The following CISD2 variants were observed in gnomAD, a reference collection of about 807,000 sequenced individuals.
The protein encoded by CISD2 is CDGSH iron sulfur domain 2.
CISD2 carries 1 observed loss-of-function variant against 12.9 expected under a neutral mutation model. The ratio of observed to expected loss-of-function variants is 0.08; its 90% CI spans 0.03 to 0.37. The LOEUF is 0.37. CISD2 is among the 10% of genes least tolerant of loss of function. The probability of loss-of-function intolerance (pLI) is 0.99; values close to 1 mark genes in which losing one functional copy is unlikely to be tolerated. For synonymous variants in CISD2, 50 were observed against 60.6 expected, an observed-to-expected ratio of 0.83 and a Z score of 0.81; for missense variants, 97 against 163.1, an observed-to-expected ratio of 0.59 and a Z score of 2.21.
Position 102,869,368 on chromosome 4 carries a change from T to C in CISD2, c.103+181T>C, listed in dbSNP as rs954813274. On this transcript the variant is annotated intron_variant, in intron 1 of 2. Transcript: ENST00000273986. ...CCTGGGGAACGCCTGTGAGGCAGTC[T>C]CCGGGTGCTTGATGCCCCAGGGTCT... 3.4e-5 allele frequency: 27 copies of C among 800,886 alleles called. No individual in the cohort carries two copies. The Admixed American group carries it at 5.4e-4, about 16-fold the overall frequency. 49.6% of individuals were successfully genotyped at this position (800,886 alleles called of 1,614,324 possible). A position where few individuals can be genotyped will look rare whatever the true frequency, so the allele number is the denominator to read the frequency against.
Position 102,892,480 on chromosome 4 carries a change from G to A in CISD2, c.*5050G>A, listed in dbSNP as rs1393358943. 1.3e-5 allele frequency: 2 copies of A among 152,160 alleles called. No homozygotes were observed. The highest frequency in any genetic ancestry group is 2.9e-5 in the Non-Finnish European group (2 of 68,022). The allele number at this position is 152,160 out of a possible 1,614,324, so 9.4% of individuals were successfully genotyped here. A position where few individuals can be genotyped will look rare whatever the true frequency, so the allele number is the denominator to read the frequency against. On this transcript the variant is annotated 3_prime_UTR_variant, in exon 3 of 3. Coordinates refer to ENST00000273986, the MANE Select transcript of CISD2 (RefSeq NM_001008388.5). ...ACTGTTTAATTTTATATTAGTTATG[G>A]TCTTGAAGGACATTGAAAATCTGTT...
Position 102,869,201 on chromosome 4 carries a change from A to G in CISD2, c.103+14A>G. 1 of 1,594,866 alleles carries G rather than the reference A, an allele frequency of 6.3e-7. No individual in the cohort carries two copies. Among genetic ancestry groups the G allele is most frequent in the South Asian group, 1.1e-5 (1 of 87,432 alleles). On this transcript the variant is annotated intron_variant, in intron 1 of 2. Transcript: ENST00000273986. ...CTAGGCTCACAGGTAATCCTCCCCC[A>G]TCAGCCAGTCCCCATCCTTGCACGT...
intron 1 of CISD2, among the ~76,000 whole-genome samples, chr4:102,879,965 AGAGTCTCTTCTCTG>A (rs1283440220): frequency 1.3e-5 from 2 of 151,702 alleles, no homozygotes; most frequent in East Asian, 3.9e-4. Flanking sequence ...TTTTTGAGAT[AGAGTCTCTTCTCTG>A]TCTCCCAGGC....
chr4:102,876,332 T>A lies in CISD2; in HGVS notation c.103+7145T>A, dbSNP rs565204498. ...CTGAATTAGTTGTTTACTGAAGTCC[T>A]GTTATGTGCAAATTACTAAGCACTG... On this transcript the variant is annotated intron_variant, in intron 1 of 2. Transcript: ENST00000273986. 7.9e-5 allele frequency among the ~76,000 whole-genome samples: 12 copies of A among 152,352 alleles called. 1 individual carries two copies. In the South Asian group the frequency reaches 2.5e-3, roughly 32 times the overall value.
At chr4:102,876,448 A>G (rs559929614) in intron 1 of CISD2, among the ~76,000 whole-genome samples, 2 of 152,314 alleles carry the variant, frequency 1.3e-5, no homozygotes, top group African/African-American at 4.8e-5. Flanking sequence ...TCACACTGCT[A>G]TAAAGGTAAC....
chr4:102,877,792 A>G (rs1733624902), intron 1 of CISD2, among the ~76,000 whole-genome samples: 1 of 152,222 alleles, frequency 6.6e-6, no homozygotes. Context: ...CTATGCACCC[A>G]CAGGCCCAAC....
intron 2 of CISD2, 83 bp from the exon 3 acceptor site, chr4:102,887,258 T>G (rs1277952433): frequency 7.1e-6 from 6 of 849,298 alleles, no homozygotes; most frequent in Non-Finnish European, 1.2e-5. Flanking sequence ...TGATATGCTT[T>G]CTTTCTGAGA....
Position 102,869,066 on chromosome 4 carries a change from G to C in CISD2, c.-19G>C, listed in dbSNP as rs1733336716. 1.9e-6 allele frequency: 3 copies of C among 1,600,070 alleles called. No individual in the cohort carries two copies. In the East Asian group the frequency reaches 6.8e-5, roughly 36 times the overall value. On this transcript the variant is annotated 5_prime_UTR_variant, in exon 1 of 3. Transcript: ENST00000273986. ...AGAGCGGAGGGGGCTCGGGAGAGGAGTGGACGCCGCTGGCCAGGATGGTGC... is the reference window on the plus strand; with the variant it reads ...AGAGCGGAGGGGGCTCGGGAGAGGACTGGACGCCGCTGGCCAGGATGGTGC...
chr4:102,890,868 T>C lies in CISD2; in HGVS notation c.*3438T>C, dbSNP rs1734213533. 1.5e-5 allele frequency: 2 copies of C among 136,332 alleles called. No homozygotes were observed. Among genetic ancestry groups the C allele is most frequent in the Admixed American group, 7.3e-5 (1 of 13,634 alleles). The allele number at this position is 136,332 out of a possible 1,614,324, so 8.4% of individuals were successfully genotyped here. A position where few individuals can be genotyped will look rare whatever the true frequency, so the allele number is the denominator to read the frequency against. On this transcript the variant is annotated 3_prime_UTR_variant, in exon 3 of 3. Coordinates refer to ENST00000273986, the MANE Select transcript of CISD2 (RefSeq NM_001008388.5). Reference sequence around the variant, plus strand: ...AAAAAAAAAAAGTCTTTTTTTTTTTTCATCTAATCAAATTTATTGTGGCAG... The same window carrying C: ...AAAAAAAAAAAGTCTTTTTTTTTTTCCATCTAATCAAATTTATTGTGGCAG...
rs1734179264 is a variant in CISD2 at position 102,890,377 on chromosome 4, C to T, written c.*2947C>T. On this transcript the variant is annotated 3_prime_UTR_variant, in exon 3 of 3. Coordinates refer to ENST00000273986, the MANE Select transcript of CISD2 (RefSeq NM_001008388.5). ...CTGTATAGAGAGTTTGTAAATGCCA[C>T]TATTTAACAAGGTTCTTAAGAATTT... 1 of 152,120 alleles carries T rather than the reference C, an allele frequency of 6.6e-6. No homozygotes were observed. The highest frequency in any genetic ancestry group is 2.1e-4 in the South Asian group (1 of 4,830). The allele number at this position is 152,120 out of a possible 1,614,324, so 9.4% of individuals were successfully genotyped here.
At position 102,889,826 on chromosome 4, in the gene CISD2, A is replaced by G. The variant is rs1460264585; in HGVS notation, c.*2396A>G. 1 of 152,202 alleles carries G rather than the reference A, an allele frequency of 6.6e-6. No individual in the cohort carries two copies. Among genetic ancestry groups the G allele is most frequent in the Non-Finnish European group, 1.5e-5 (1 of 68,028 alleles). The allele number at this position is 152,202 out of a possible 1,614,324, so 9.4% of individuals were successfully genotyped here. A position where few individuals can be genotyped will look rare whatever the true frequency, so the allele number is the denominator to read the frequency against. On this transcript the variant is annotated 3_prime_UTR_variant, in exon 3 of 3. Coordinates refer to ENST00000273986, the MANE Select transcript of CISD2 (RefSeq NM_001008388.5). ...ACAATTTTATCTTGTCCATCTTTAA[A>G]AAATAGACATCTAATAACCAAATGT... is the stretch of plus-strand genomic sequence containing the variant.
chr4:102,879,310 G>A (rs1358625835), intron 1 of CISD2, among the ~76,000 whole-genome samples: 5 of 151,988 alleles, frequency 3.3e-5, no homozygotes, highest in African/African-American at 4.8e-5. Context: ...TTAACAATGA[G>A]AAATTGATTT....
intron 1 of CISD2, among the ~76,000 whole-genome samples, chr4:102,882,465 C>G (rs1194562449): frequency 6.6e-6 from 1 of 152,146 alleles, no homozygotes; most frequent in Non-Finnish European, 1.5e-5. Flanking sequence ...TCGCTGGCCT[C>G]AGGTACATGA....
chr4:102,869,042 G>C lies in CISD2; in HGVS notation c.-43G>C. 6.3e-7 allele frequency: 1 copy of C among 1,578,264 alleles called. No homozygotes were observed. The highest frequency in any genetic ancestry group is 8.6e-7 in the Non-Finnish European group (1 of 1,163,430). On this transcript the variant is annotated 5_prime_UTR_variant, in exon 1 of 3. Coordinates refer to ENST00000273986, the MANE Select transcript of CISD2 (RefSeq NM_001008388.5). ...CGGCGCAGGCGCGGCAGCTTGGCCA[G>C]AGCGGAGGGGGCTCGGGAGAGGAGT...
intron 2 of CISD2, among the ~76,000 whole-genome samples, chr4:102,887,049 A>C (rs1733963348): frequency 1.3e-5 from 2 of 152,240 alleles, no homozygotes; most frequent in Admixed American, 1.3e-4. Context: ...AAGCTCCACA[A>C]ATGACCAAGA....
intron 1 of CISD2, among the ~76,000 whole-genome samples, chr4:102,874,126 C>CA (rs35847709): frequency 0.42 from 56,225 of 132,808 alleles, 11,058 homozygotes; most frequent in African/African-American, 0.52. Flanking sequence ...ACTCTGTCTT[C>CA]AAAAAAAAAA....
rs544082713 is a variant in CISD2 at position 102,869,277 on chromosome 4, C to T, written c.103+90C>T. The T allele has an allele frequency of 1.8e-3, 2,680 of 1,496,332 alleles. 48 individuals are homozygous for T. In the South Asian group the frequency reaches 0.03, roughly 17 times the overall value. The allele number at this position is 1,496,332 out of a possible 1,614,324, so 92.7% of individuals were successfully genotyped here. On this transcript the variant is annotated intron_variant, in intron 1 of 2. Coordinates refer to ENST00000273986, the MANE Select transcript of CISD2 (RefSeq NM_001008388.5). ...AAAATCCTAGGGCCAAGGGGCGGGA[C>T]GGAGCTCGGCGCCTGGCACGTGATC...
rs371588195 is a variant in CISD2 at position 102,888,076 on chromosome 4, G to T, written c.*646G>T. On this transcript the variant is annotated 3_prime_UTR_variant, in exon 3 of 3. Transcript: ENST00000273986. Reference sequence around the variant, plus strand: ...TGTCTGTGTGTGTGTGTGTGTGTGTGTGTGTGTATTTTAAACTGACTCAGT... The same window carrying T: ...TGTCTGTGTGTGTGTGTGTGTGTGTTTGTGTGTATTTTAAACTGACTCAGT... 1 of 151,546 alleles carries T rather than the reference G, an allele frequency of 6.6e-6. No individual in the cohort carries two copies. Among genetic ancestry groups the T allele is most frequent in the African/African-American group, 2.4e-5 (1 of 41,152 alleles). 9.4% of individuals were successfully genotyped at this position (151,546 alleles called of 1,614,324 possible).
At chr4:102,879,848 A>G (rs980471943) in intron 1 of CISD2, among the ~76,000 whole-genome samples, 2 of 152,242 alleles carry the variant, frequency 1.3e-5, no homozygotes, top group African/African-American at 4.8e-5. Context: ...AGTAAGTTAA[A>G]TAAATTGAGC....
Sources: allele counts gnomAD v4.1 joint callset (sites outside exome capture counted in the v4.1 genomes callset), GRCh38; gene constraint gnomAD v4.1.1; transcripts MANE v1.5; gene names NCBI Gene and HGNC (gene_info 2026-07-23, HGNC 2026-07-21).